POLA1: variants seen among roughly 807,000 people sequenced by gnomAD.
POLA1 encodes DNA polymerase alpha 1, catalytic subunit.
POLA1 carries 15 observed loss-of-function variants against 124.0 expected under a neutral mutation model. The ratio of observed to expected loss-of-function variants is 0.12; its 90% CI spans 0.08 to 0.19. POLA1 has a LOEUF of 0.19. POLA1 is among the 10% of genes least tolerant of loss of function. POLA1 has a pLI of 1.00. For missense variants in POLA1, 886 were observed against 1,103.4 expected (o/e 0.80, Z 2.79); for synonymous variants, 408 against 389.4 (o/e 1.05, Z -0.56).
intron 35 of POLA1, among the ~76,000 whole-genome samples, chrX:24,921,785 G>A (rs1317883278): frequency 1.8e-5 from 2 of 111,480 alleles, no homozygotes; most frequent in East Asian, 2.8e-4. Context: ...TAGTAGCCAT[G>A]TATATTTATT....
chrX:24,833,233 TA>T (rs1286812827), intron 32 of POLA1, among the ~76,000 whole-genome samples: 1 of 112,135 alleles, frequency 8.9e-6, no homozygotes, highest in Non-Finnish European at 1.9e-5. Flanking sequence ...GTGAATGTCA[TA>T]TTTTTTTTTA....
At chrX:24,961,805 G>A (rs1055628904) in intron 36 of POLA1, among the ~76,000 whole-genome samples, 4 of 111,832 alleles carry the variant, frequency 3.6e-5, no homozygotes, top group Non-Finnish European at 7.5e-5. Flanking sequence ...CCAGGCATCA[G>A]TATAATTTCA....
chrX:24,777,954 G>A (rs997574054), intron 26 of POLA1, among the ~76,000 whole-genome samples: 33 of 111,759 alleles, frequency 3.0e-4, no homozygotes, highest in African/African-American at 1.0e-3. Flanking sequence ...AATGTTATAT[G>A]GTCTTGTAAA....
chrX:24,712,443 T>C (rs1276077466), intron 4 of POLA1, among the ~76,000 whole-genome samples: 1 of 112,459 alleles, frequency 8.9e-6, no homozygotes, highest in Non-Finnish European at 1.9e-5. Flanking sequence ...CGTAACTATT[T>C]ATATATGTTT....
At chrX:24,706,283 G>A (rs1316384800) in intron 4 of POLA1, among the ~76,000 whole-genome samples, 1 of 111,695 alleles carries the variant, frequency 9.0e-6, no homozygotes, top group African/African-American at 3.3e-5. Context: ...TTTTGACATG[G>A]CTCCATCAGT....
intron 36 of POLA1, among the ~76,000 whole-genome samples, chrX:24,953,891 A>C (rs1184745756): frequency 1.8e-5 from 2 of 112,406 alleles, no homozygotes; most frequent in African/African-American, 3.2e-5. Flanking sequence ...GACTGGGATA[A>C]TGCAGTCTTA....
chrX:24,719,812 G>T (rs752042062), intron 10 of POLA1, among the ~76,000 whole-genome samples: 1 of 111,172 alleles, frequency 9.0e-6, no homozygotes, highest in Admixed American at 9.5e-5. Context: ...TCCAAGTCTG[G>T]TTAGTTTTCT....
chrX:24,722,812 C>T (rs1489686009), intron 10 of POLA1, among the ~76,000 whole-genome samples: 3 of 112,109 alleles, frequency 2.7e-5, no homozygotes, highest in Admixed American at 9.4e-5. Flanking sequence ...CTCGGCCTTC[C>T]GAAGTGCTGG....
At chrX:24,702,622 C>T (rs987319895) in intron 2 of POLA1, among the ~76,000 whole-genome samples, 1 of 112,403 alleles carries the variant, frequency 8.9e-6, no homozygotes, top group Non-Finnish European at 1.9e-5. Flanking sequence ...AATAGCTCAG[C>T]GTTTAAGTCC....
chrX:24,858,166 A>T (rs191932868), intron 34 of POLA1, among the ~76,000 whole-genome samples: 11 of 112,193 alleles, frequency 9.8e-5, no homozygotes, highest in African/African-American at 3.6e-4. Flanking sequence ...TTTAGTGGGA[A>T]TTTACCATGC....
At chrX:24,796,705 C>A (rs920865358) in intron 26 of POLA1, among the ~76,000 whole-genome samples, 2 of 111,323 alleles carry the variant, frequency 1.8e-5, no homozygotes, top group Admixed American at 1.9e-4. Context: ...TATATTGCAT[C>A]CCTGTTAAGC....
intron 35 of POLA1, among the ~76,000 whole-genome samples, chrX:24,901,552 G>T (rs1475409431): frequency 1.8e-5 from 2 of 111,586 alleles, no homozygotes; most frequent in Non-Finnish European, 3.8e-5. Flanking sequence ...TAGGGGAAAT[G>T]GGGAGCTATT....
At chrX:24,986,353 G>C (rs746811123) in intron 36 of POLA1, among the ~76,000 whole-genome samples, 1 of 111,286 alleles carries the variant, frequency 9.0e-6, no homozygotes, top group South Asian at 3.8e-4. Context: ...AGGGACAGTG[G>C]CTATGTTAGT....
At chrX:24,920,640 C>G (rs1012543644) in intron 35 of POLA1, among the ~76,000 whole-genome samples, 1 of 112,254 alleles carries the variant, frequency 8.9e-6, no homozygotes, top group African/African-American at 3.2e-5. Flanking sequence ...CACTTACTAG[C>G]TGCATGACCT....
intron 27 of POLA1, 80 bp downstream of exon 27, chrX:24,810,010 C>T: frequency 1.7e-6 from 1 of 587,069 alleles, no homozygotes; most frequent in South Asian, 3.3e-5. Flanking sequence ...AATTGTAACC[C>T]AAACAGACTG....
chrX:24,714,583 A>G lies in POLA1; in HGVS notation c.376A>G (p.Lys126Glu). Reference sequence around the variant, plus strand: ...AGATGGTAAAGCACGCAATAAAGACAAGAGGAATGTAAAGAAGCTCGCAGT... The same window carrying G: ...AGATGGTAAAGCACGCAATAAAGACGAGAGGAATGTAAAGAAGCTCGCAGT... Reference protein sequence around the residue: ...GKDGKARNKDKRNVKKLAVTK... With the variant: ...GKDGKARNKDERNVKKLAVTK... The change falls in exon 5 of 37, where the codon AAG becomes GAG. Residue 126 changes from lysine to glutamate, a missense_variant. Around this residue, in one of 7 missense-constraint regions of POLA1, gnomAD observed 337 missense variants for 402.8 expected, o/e 0.84. Transcript: ENST00000379068. 1 of 1,195,567 alleles carries G rather than the reference A, an allele frequency of 8.4e-7. No individual in the cohort carries two copies. Among genetic ancestry groups the G allele is most frequent in the African/African-American group, 1.7e-5 (1 of 57,746 alleles).
At chrX:24,892,748 C>G (rs759340290) in intron 35 of POLA1, among the ~76,000 whole-genome samples, 17 of 112,285 alleles carry the variant, frequency 1.5e-4, no homozygotes, top group African/African-American at 3.6e-4. Context: ...CTCTCACGAT[C>G]ATGGTAGAAA....
At chrX:24,940,141 C>T (rs2047895002) in intron 36 of POLA1, among the ~76,000 whole-genome samples, 1 of 111,622 alleles carries the variant, frequency 9.0e-6, no homozygotes, top group Non-Finnish European at 1.9e-5. Flanking sequence ...CATAAGCGCA[C>T]AAACATGTAA....
chrX:24,952,615 G>C (rs895396400), intron 36 of POLA1, among the ~76,000 whole-genome samples: 1 of 112,448 alleles, frequency 8.9e-6, no homozygotes, highest in Non-Finnish European at 1.9e-5. Context: ...ACATGGCTCA[G>C]CTAAAGCATC....
Sources: gnomAD v4.1 joint callset for allele counts (sites outside exome capture counted in the v4.1 genomes callset) on GRCh38, gnomAD v4.1.1 for gene constraint, gnomAD v4.1.1 regional missense constraint, MANE v1.5 for transcripts, NCBI Gene and HGNC (gene_info 2026-07-23, HGNC 2026-07-21) for gene names.